ARSG: variants seen among roughly 807,000 people sequenced by gnomAD.
ARSG encodes ASG.
A neutral mutation model predicts 50.5 loss-of-function variants in ARSG; 37 were observed. That is an observed-to-expected ratio of 0.73 (90% CI 0.56 to 0.96). ARSG has a LOEUF of 0.96. ARSG is among the 50% of genes least tolerant of loss of function. ARSG has a pLI of 0.00. For missense variants in ARSG, 629 were observed against 675.3 expected (o/e 0.93, Z 0.76); for synonymous variants, 225 against 254.6 (o/e 0.88, Z 1.11).
chr17:68,450,651 A>G, the ARSG span: 1 of 1,510,130 alleles, frequency 6.6e-7, no homozygotes, highest in Non-Finnish European at 8.9e-7. Context: ...ACAGACATTG[A>G]TCTTGAAAGA....
At chr17:68,366,128 A>G (rs981483313) in intron 6 of ARSG, among the ~76,000 whole-genome samples, 2 of 151,940 alleles carry the variant, frequency 1.3e-5, no homozygotes, top group Non-Finnish European at 2.9e-5. Context: ...TAGTAGAGGC[A>G]GGGTTTTGCC....
chr17:68,427,964 A>C, the ARSG span, among the ~76,000 whole-genome samples: 1 of 151,872 alleles, frequency 6.6e-6, no homozygotes, highest in Non-Finnish European at 1.5e-5. Context: ...ACCACAGCTT[A>C]CTGCAGTCTT....
chr17:68,330,978 C>CGGG (rs34615975), intron 2 of ARSG, among the ~76,000 whole-genome samples: 1 of 65,794 alleles, frequency 1.5e-5, no homozygotes, highest in Non-Finnish European at 2.9e-5. Context: ...TTTTTTTTTG[C>CGGG]GGGGGGGGGG....
chr17:68,418,919 A>G (rs2082565479), intron 11 of ARSG, among the ~76,000 whole-genome samples: 1 of 151,844 alleles, frequency 6.6e-6, no homozygotes, highest in Non-Finnish European at 1.5e-5. Context: ...GAACTCTTGT[A>G]ATTTTGAGGG....
chr17:68,314,929 T>G (rs549451084), intron 2 of ARSG, among the ~76,000 whole-genome samples: 2 of 152,336 alleles, frequency 1.3e-5, no homozygotes, highest in Admixed American at 1.3e-4. Context: ...TTAATCCCTA[T>G]GCTGGCTGTG....
intron 3 of ARSG, among the ~76,000 whole-genome samples, chr17:68,344,794 C>T (rs2078432359): frequency 6.6e-6 from 1 of 152,304 alleles, no homozygotes; most frequent in East Asian, 1.9e-4. Flanking sequence ...CAGGAAATTG[C>T]AAGGGAGGGA....
At chr17:68,276,745 T>C (rs1555751099) in intron 1 of ARSG, among the ~76,000 whole-genome samples, 1 of 152,102 alleles carries the variant, frequency 6.6e-6, no homozygotes, top group Non-Finnish European at 1.5e-5. Flanking sequence ...TGAGCCACCA[T>C]GCCCAGCTTG....
chr17:68,449,746 G>C, the ARSG span, among the ~76,000 whole-genome samples: 1 of 152,358 alleles, frequency 6.6e-6, no homozygotes, highest in Admixed American at 6.5e-5. Context: ...ACAGCCTGCA[G>C]AACCTTGACC....
At chr17:68,406,432 A>G (rs955062555) in intron 11 of ARSG, among the ~76,000 whole-genome samples, 55 of 152,312 alleles carry the variant, frequency 3.6e-4, no homozygotes, top group Non-Finnish European at 4.7e-4. Flanking sequence ...ATCAAATGGT[A>G]GTTCAGCTTT....
chr17:68,287,318 T>C (rs1376471705), upstream of ARSG, among the ~76,000 whole-genome samples: 2 of 151,410 alleles, frequency 1.3e-5, no homozygotes, highest in African/African-American at 4.9e-5. Context: ...TGCCCAGCCT[T>C]CTTCTTCTTC....
intron 2 of ARSG, among the ~76,000 whole-genome samples, chr17:68,326,329 A>G (rs1204579955): frequency 2.0e-5 from 3 of 152,224 alleles, no homozygotes; most frequent in Admixed American, 6.5e-5. Flanking sequence ...GACAGAGGGA[A>G]CACAAAAAGG....
At chr17:68,357,580 C>T (rs527648446) in intron 6 of ARSG, among the ~76,000 whole-genome samples, 2 of 152,318 alleles carry the variant, frequency 1.3e-5, no homozygotes, top group Non-Finnish European at 2.9e-5. Context: ...GTAACATTCA[C>T]AGATTCCAGG....
chr17:68,392,489 C>T (rs1264819650), intron 9 of ARSG, among the ~76,000 whole-genome samples: 8 of 152,022 alleles, frequency 5.3e-5, no homozygotes, highest in Non-Finnish European at 8.8e-5. Flanking sequence ...CATAAACATT[C>T]GCTATTTTTA....
rs932270719 is a variant in ARSG at position 68,299,190 on chromosome 17, C to T, written c.-552+7622C>T. On this transcript the variant is annotated intron_variant, in intron 1 of 11. Coordinates refer to ENST00000621439, the MANE Select transcript of ARSG (RefSeq NM_001267727.2). ...CACTGTGTTGGCTCACTGCAACCTC[C>T]GTCTCCTGGGTTCAAGCAATTCTCC... 8.0e-5 allele frequency among the ~76,000 whole-genome samples: 12 copies of T among 149,580 alleles called. No homozygotes were observed. The East Asian group carries it at 1.4e-3, about 17-fold the overall frequency.
intron 2 of ARSG, among the ~76,000 whole-genome samples, chr17:68,340,147 T>C (rs1568488565): frequency 6.6e-6 from 1 of 152,208 alleles, no homozygotes. Flanking sequence ...TCAAGATGAA[T>C]GTTTAATTAC....
chr17:68,409,603 G>A (rs1221228959), intron 11 of ARSG, among the ~76,000 whole-genome samples: 4 of 151,646 alleles, frequency 2.6e-5, no homozygotes, highest in Non-Finnish European at 1.5e-5. Flanking sequence ...TTGGCGATGC[G>A]GGCTCTTTTT....
upstream of ARSG, among the ~76,000 whole-genome samples, chr17:68,287,563 C>G (rs76258556): frequency 0.015 from 2,338 of 152,256 alleles, 56 homozygotes; most frequent in African/African-American, 0.053. Flanking sequence ...CTATTCTACT[C>G]TAGCTAGAGC....
chr17:68,290,680 G>C (rs1271365800), upstream of ARSG, among the ~76,000 whole-genome samples: 1 of 152,246 alleles, frequency 6.6e-6, no homozygotes, highest in African/African-American at 2.4e-5. Context: ...AGGTACCTCT[G>C]ACATTTCGCT....
intron 8 of ARSG, among the ~76,000 whole-genome samples, chr17:68,374,861 AAAAG>A (rs1442443796): frequency 3.3e-5 from 5 of 151,508 alleles, no homozygotes; most frequent in African/African-American, 1.2e-4. Context: ...AAAAAAAAAA[AAAAG>A]AAAAGAGAAA....
Sources: gnomAD v4.1 joint callset for allele counts (sites outside exome capture counted in the v4.1 genomes callset) on GRCh38, gnomAD v4.1.1 for gene constraint, MANE v1.5 for transcripts, NCBI Gene and HGNC (gene_info 2026-07-23, HGNC 2026-07-21) for gene names.